BIRC2: variants seen among roughly 807,000 people sequenced by gnomAD.
BIRC2 encodes baculoviral IAP repeat-containing protein 2.
In BIRC2, 18 loss-of-function variants were observed where a neutral mutation model predicts 60.9. The ratio of observed to expected loss-of-function variants is 0.30; its 90% CI spans 0.20 to 0.44. BIRC2 has a LOEUF of 0.44. Ranked by LOEUF, BIRC2 falls within the 20% of genes least tolerant of loss-of-function variation. BIRC2 has a pLI of 1.00. For missense variants in BIRC2, 701 were observed against 728.5 expected (o/e 0.96, Z 0.43); for synonymous variants, 282 against 247.7 (o/e 1.14, Z -1.30).
chr11:102,360,562 T>C (rs1350451596), intron 3 of BIRC2, among the ~76,000 whole-genome samples: 4 of 152,064 alleles, frequency 2.6e-5, no homozygotes, highest in Non-Finnish European at 5.9e-5. Context: ...CTGTGTTCTT[T>C]TGTAGCTCAC....
intron 6 of BIRC2, among the ~76,000 whole-genome samples, chr11:102,376,123 T>C (rs894028684): frequency 2.0e-5 from 3 of 152,208 alleles, no homozygotes; most frequent in African/African-American, 4.8e-5. Context: ...GACTTTCTCA[T>C]ACTTTGTATG....
In BIRC2 at chr11:102,369,145, ATT is replaced by A. The variant is rs35187247; in HGVS notation, c.1366+607_1366+608del. 6.4e-3 allele frequency among the ~76,000 whole-genome samples: 965 copies of A among 149,642 alleles called. 8 individuals are homozygous for A. Among genetic ancestry groups the A allele is most frequent in the Middle Eastern group, 0.01 (3 of 288 alleles). On this transcript the variant is annotated intron_variant, in intron 6 of 8. Transcript: ENST00000227758. Reference sequence around the variant, plus strand: ...GAGTAATCATTTATTCCTTCAATAAATTTTTTTTTTTCTTTTTTCTATTTTTT... The same window carrying A: ...GAGTAATCATTTATTCCTTCAATAAATTTTTTTTTCTTTTTTCTATTTTTT...
chr11:102,360,040 C>T lies in BIRC2; in HGVS notation c.996-2856C>T, dbSNP rs537164609. Among the ~76,000 whole-genome samples the T allele has an allele frequency of 5.9e-5, 9 of 151,496 alleles. No individual in the cohort carries two copies. The South Asian group carries it at 1.7e-3, about 28-fold the overall frequency. On this transcript the variant is annotated intron_variant, in intron 3 of 8. Transcript: ENST00000227758. ...GGAGTGCAGTGGCATGATCTCAGCT[C>T]ACTGCAACCTCCACCTCCCAGGTTC...
At chr11:102,360,744 C>T (rs1335645911) in intron 3 of BIRC2, among the ~76,000 whole-genome samples, 10 of 145,962 alleles carry the variant, frequency 6.9e-5, no homozygotes, top group Middle Eastern at 3.2e-3. Context: ...ATTTGATGGA[C>T]GAATTACTTC....
At chr11:102,366,851 A>T (rs1333917426) in intron 5 of BIRC2, among the ~76,000 whole-genome samples, 1 of 152,114 alleles carries the variant, frequency 6.6e-6, no homozygotes, top group Non-Finnish European at 1.5e-5. Flanking sequence ...TATTCTACCA[A>T]ACTTAGAATA....
intron 5 of BIRC2, among the ~76,000 whole-genome samples, chr11:102,364,186 CAGAGAGAGAGAG>C (rs56992401): frequency 6.0e-5 from 6 of 99,792 alleles, no homozygotes; most frequent in Non-Finnish European, 9.8e-5. Flanking sequence ...CACACACACA[CAGAGAGAGAGAG>C]AGAGAGAGAG....
chr11:102,362,768 C>T, intron 3 of BIRC2, 128 bp from the exon 4 acceptor site: 1 of 642,316 alleles, frequency 1.6e-6, no homozygotes. Context: ...TGTATGTGTT[C>T]TGGGTTGTGA....
intron 3 of BIRC2, among the ~76,000 whole-genome samples, chr11:102,358,748 T>C (rs1951451852): frequency 1.3e-5 from 2 of 152,236 alleles, no homozygotes; most frequent in African/African-American, 4.8e-5. Flanking sequence ...TTTTACAGTT[T>C]TTGATGTAAA....
At chr11:102,361,524 C>T (rs544856493) in intron 3 of BIRC2, among the ~76,000 whole-genome samples, 1 of 152,264 alleles carries the variant, frequency 6.6e-6, no homozygotes, top group African/African-American at 2.4e-5. Flanking sequence ...GGGTTCACAG[C>T]AGCAATGGGT....
At chr11:102,351,052 C>A in intron 3 of BIRC2, 109 bp downstream of exon 3, 1 of 954,994 alleles carries the variant, frequency 1.0e-6, no homozygotes, top group Non-Finnish European at 1.6e-6. Context: ...CTCTTTTATG[C>A]CATTGGGGAA....
At chr11:102,354,273 C>T (rs1460524399) in intron 3 of BIRC2, among the ~76,000 whole-genome samples, 3 of 152,004 alleles carry the variant, frequency 2.0e-5, no homozygotes, top group Non-Finnish European at 2.9e-5. Flanking sequence ...GCAGTGGCAC[C>T]ATCTAGGCTC....
At chr11:102,364,546 C>A (rs778358715) in intron 5 of BIRC2, among the ~76,000 whole-genome samples, 48 of 152,118 alleles carry the variant, frequency 3.2e-4, no homozygotes, top group Non-Finnish European at 5.4e-4. Context: ...ATGTTAGCCA[C>A]ATCTGTCAAT....
intron 6 of BIRC2, among the ~76,000 whole-genome samples, chr11:102,377,166 C>G (rs1354264339): frequency 1.3e-5 from 2 of 151,994 alleles, no homozygotes; most frequent in Non-Finnish European, 2.9e-5. Flanking sequence ...TATGAAAGTG[C>G]TTACAAAAGT....
At position 102,352,215 on chromosome 11, in the gene BIRC2, G is replaced by A. The variant is rs577199912; in HGVS notation, c.995+1272G>A. ...TGTAAGCTCCACCTCCCGGGTTCACGCCATTCTCCTGCCTCAGCCTCCCGA... is the reference window on the plus strand; with the variant it reads ...TGTAAGCTCCACCTCCCGGGTTCACACCATTCTCCTGCCTCAGCCTCCCGA... On this transcript the variant is annotated intron_variant, in intron 3 of 8. Coordinates refer to ENST00000227758, the MANE Select transcript of BIRC2 (RefSeq NM_001166.5). 2.6e-5 allele frequency among the ~76,000 whole-genome samples: 4 copies of A among 151,446 alleles called. No individual in the cohort carries two copies. The East Asian group carries it at 7.8e-4, about 29-fold the overall frequency.
intron 3 of BIRC2, among the ~76,000 whole-genome samples, chr11:102,354,944 G>GTTTTTTTTTTTT (rs61520984): frequency 4.5e-5 from 4 of 89,650 alleles, no homozygotes; most frequent in East Asian, 3.2e-4. Flanking sequence ...AATTATTTGG[G>GTTTTTTTTTTTT]TTTTTTTTTT....
chr11:102,368,789 G>T (rs913113948), intron 6 of BIRC2, among the ~76,000 whole-genome samples: 2 of 152,086 alleles, frequency 1.3e-5, no homozygotes, highest in African/African-American at 4.8e-5. Flanking sequence ...GCCAATCAGA[G>T]AATTTTAGCA....
chr11:102,350,312 A>C lies in BIRC2; in HGVS notation c.458A>C (p.Tyr153Ser). ...CATAGTAGCTTGTTCAGTGGTTCTT[A>C]CTCCAGCCTTTCTCCAAACCCTCTT... ...LEHSSLFSGS[Y>S]SSLSPNPLNS... is the part of the protein sequence containing the mutation. Residue 153 changes from tyrosine to serine, a missense_variant, in exon 2 of 9, where the codon TAC (tyrosine) becomes TCC (serine). Physicochemically the swap from Tyr to Ser is moderately radical, Grantham distance 144. Coordinates refer to ENST00000227758, the MANE Select transcript of BIRC2 (RefSeq NM_001166.5). The C allele has an allele frequency of 6.2e-7, 1 of 1,614,156 alleles. No homozygotes were observed. Among genetic ancestry groups the C allele is most frequent in the South Asian group, 1.1e-5 (1 of 91,080 alleles).
rs34014235 is a variant in BIRC2 at position 102,349,269 on chromosome 11, G to C, written c.-586G>C. On this transcript the variant is annotated 5_prime_UTR_variant, in exon 2 of 9. Coordinates refer to ENST00000227758, the MANE Select transcript of BIRC2 (RefSeq NM_001166.5). ...ACTTAAGTAAATACTATGATGATAA[G>C]CTGTGTGAACTTAGCTTTTAAATAG... The C allele has an allele frequency of 2.6e-5, 4 of 152,324 alleles. No individual in the cohort carries two copies. The highest frequency in any genetic ancestry group is 4.4e-5 in the Non-Finnish European group (3 of 68,166). 9.4% of individuals were successfully genotyped at this position (152,324 alleles called of 1,614,324 possible). A position where few individuals can be genotyped will look rare whatever the true frequency, so the allele number is the denominator to read the frequency against.
chr11:102,359,208 C>T (rs1299842884), intron 3 of BIRC2, among the ~76,000 whole-genome samples: 1 of 152,142 alleles, frequency 6.6e-6, no homozygotes, highest in Non-Finnish European at 1.5e-5. Context: ...AACTTAATTT[C>T]AATTGCATTA....
Sources: allele counts gnomAD v4.1 joint callset (sites outside exome capture counted in the v4.1 genomes callset), GRCh38; gene constraint gnomAD v4.1.1; transcripts MANE v1.5; gene names NCBI Gene and HGNC (gene_info 2026-07-23, HGNC 2026-07-21).